Variants in NEO1 observed in about 807,000 individuals in gnomAD.
The protein encoded by NEO1 is neogenin 1.
Under a neutral mutation model 159.7 loss-of-function variants are expected in NEO1, and 63 were observed. The ratio of observed to expected loss-of-function variants is 0.39; its 90% CI spans 0.32 to 0.49. The LOEUF is 0.49. Ranked by LOEUF, NEO1 falls within the 20% of genes least tolerant of loss-of-function variation. The pLI is 0.85. For missense variants in NEO1, 1,615 were observed against 1,831.0 expected, an observed-to-expected ratio of 0.88 and a Z score of 2.15; for synonymous variants, 633 against 662.0, an observed-to-expected ratio of 0.96 and a Z score of 0.67.
chr15:73,267,992 T>C (rs2040992588), intron 16 of NEO1, among the ~76,000 whole-genome samples: 1 of 152,238 alleles, frequency 6.6e-6, no homozygotes, highest in African/African-American at 2.4e-5. Flanking sequence ...GGCTTACCTT[T>C]CCTGAAGGAA....
chr15:73,058,816 T>C (rs1239109047), intron 1 of NEO1, among the ~76,000 whole-genome samples: 1 of 152,216 alleles, frequency 6.6e-6, no homozygotes, highest in Non-Finnish European at 1.5e-5. Context: ...TTTCTCTTAC[T>C]CTGAAGTCCA....
At chr15:73,057,295 G>C (rs1165350277) in intron 1 of NEO1, among the ~76,000 whole-genome samples, 1 of 151,944 alleles carries the variant, frequency 6.6e-6, no homozygotes, top group Admixed American at 6.5e-5. Flanking sequence ...TTCCTTATGA[G>C]TTTTTCTCTA....
At chr15:73,070,937 A>C (rs2068500682) in intron 1 of NEO1, among the ~76,000 whole-genome samples, 1 of 152,196 alleles carries the variant, frequency 6.6e-6, no homozygotes. Flanking sequence ...TGGTTGCCTT[A>C]GCCATTGGCA....
In NEO1 at chr15:73,249,044, G is replaced by A. The variant is rs778958963; in HGVS notation, c.1607-16G>A. The A allele has an allele frequency of 8.7e-6, 14 of 1,612,352 alleles. No homozygotes were observed. Among genetic ancestry groups the A allele is most frequent in the East Asian group, 4.5e-5 (2 of 44,850 alleles). ...CATTTCATTTATATCTTGCTTTCTCGAACTTTTCTTTCTAGTTCAGCTCCC... is the reference window on the plus strand; with the variant it reads ...CATTTCATTTATATCTTGCTTTCTCAAACTTTTCTTTCTAGTTCAGCTCCC... On this transcript the variant is annotated splice_polypyrimidine_tract_variant and intron_variant, in intron 9 of 28. Transcript: ENST00000261908.
At position 73,136,171 on chromosome 15, in the gene NEO1, C is replaced by A. The variant is rs1596107357; in HGVS notation, c.1015+144C>A. 10 of 554,982 alleles carry A rather than the reference C, an allele frequency of 1.8e-5. No homozygotes were observed. The East Asian group carries it at 3.3e-4, about 19-fold the overall frequency. 34.4% of individuals were successfully genotyped at this position (554,982 alleles called of 1,614,324 possible). On this transcript the variant is annotated intron_variant, in intron 5 of 28. Transcript: ENST00000261908. ...AGACCAGACTGCTTGGGTTTAAATTCTAAATCTTATATTTCCTAGATATAT... is the reference window on the plus strand; with the variant it reads ...AGACCAGACTGCTTGGGTTTAAATTATAAATCTTATATTTCCTAGATATAT...
At chr15:73,225,142 C>T (rs2038504744) in intron 7 of NEO1, among the ~76,000 whole-genome samples, 2 of 152,254 alleles carry the variant, frequency 1.3e-5, no homozygotes, top group South Asian at 4.1e-4. Flanking sequence ...TGCACAGAGT[C>T]CTGTGATGTG....
chr15:73,215,193 T>G (rs1000975500), intron 7 of NEO1, among the ~76,000 whole-genome samples: 1 of 152,160 alleles, frequency 6.6e-6, no homozygotes, highest in Non-Finnish European at 1.5e-5. Context: ...TCTTTAGGGT[T>G]TTCAGCGTAA....
intron 7 of NEO1, among the ~76,000 whole-genome samples, chr15:73,207,913 A>G (rs2037326372): frequency 6.6e-6 from 1 of 152,220 alleles, no homozygotes; most frequent in East Asian, 1.9e-4. Context: ...ATGAATATCC[A>G]GGAAATGGCA....
At position 73,103,388 on chromosome 15, in the gene NEO1, C is replaced by T. The variant is rs535696395; in HGVS notation, c.131-13152C>T. 3.3e-5 allele frequency among the ~76,000 whole-genome samples: 5 copies of T among 152,170 alleles called. No individual in the cohort carries two copies. The East Asian group carries it at 9.6e-4, about 29-fold the overall frequency. On this transcript the variant is annotated intron_variant, in intron 1 of 28. Transcript: ENST00000261908. Reference sequence around the variant, plus strand: ...ATTTCTTTGAGTACTTTGCCACTTCCACTGCCAGCTTGTTTCCAGGCCTTT... The same window carrying T: ...ATTTCTTTGAGTACTTTGCCACTTCTACTGCCAGCTTGTTTCCAGGCCTTT...
At chr15:73,228,159 CTT>C (rs1258039754) in intron 7 of NEO1, among the ~76,000 whole-genome samples, 10 of 152,134 alleles carry the variant, frequency 6.6e-5, no homozygotes, top group African/African-American at 2.4e-4. Flanking sequence ...TTATCAAAGA[CTT>C]TTATAAATGC....
intron 1 of NEO1, among the ~76,000 whole-genome samples, chr15:73,062,672 G>A (rs554450030): frequency 6.6e-6 from 1 of 152,222 alleles, no homozygotes; most frequent in African/African-American, 2.4e-5. Flanking sequence ...TTGGTTTGAA[G>A]TGATTAAGTT....
chr15:73,156,309 G>A (rs1161457408), intron 5 of NEO1, among the ~76,000 whole-genome samples: 4 of 152,206 alleles, frequency 2.6e-5, no homozygotes, highest in Admixed American at 1.3e-4. Flanking sequence ...TTTTGCTGGA[G>A]ACTGGAATGC....
intron 1 of NEO1, among the ~76,000 whole-genome samples, chr15:73,094,527 T>C (rs1395984128): frequency 6.6e-6 from 1 of 152,238 alleles, no homozygotes; most frequent in Non-Finnish European, 1.5e-5. Context: ...TGCTGCAATG[T>C]ATATTCTATA....
At chr15:73,272,968 CAAAAA>C (rs56162211) in intron 19 of NEO1, among the ~76,000 whole-genome samples, 1 of 86,588 alleles carries the variant, frequency 1.2e-5, no homozygotes, top group Admixed American at 1.2e-4. Context: ...CCTGAAGCCA[CAAAAA>C]AAAAAAAAAA....
intron 9 of NEO1, among the ~76,000 whole-genome samples, chr15:73,246,239 G>A (rs906920785): frequency 6.6e-6 from 1 of 152,174 alleles, no homozygotes; most frequent in Admixed American, 6.5e-5. Flanking sequence ...CTTAAAGAAG[G>A]AGCAGGCAAG....
chr15:73,052,409 A>AC (rs1567080765), upstream of NEO1: 3 of 8,680 alleles, frequency 3.5e-4, no homozygotes, highest in African/African-American at 8.7e-4. Context: ...AGACCGACCC[A>AC]CCGCCCCCCC....
At chr15:73,138,300 G>A in intron 5 of NEO1, among the ~76,000 whole-genome samples, 1 of 152,156 alleles carries the variant, frequency 6.6e-6, no homozygotes, top group East Asian at 1.9e-4. Flanking sequence ...GTTAAAAGAT[G>A]TTGAATACAC....
intron 5 of NEO1, among the ~76,000 whole-genome samples, chr15:73,150,755 C>T (rs2033301998): frequency 1.3e-5 from 2 of 152,110 alleles, no homozygotes; most frequent in South Asian, 4.1e-4. Context: ...AAAATATTAC[C>T]ACCACTGCAG....
intron 7 of NEO1, among the ~76,000 whole-genome samples, chr15:73,204,672 A>G (rs1354660876): frequency 6.6e-6 from 1 of 151,930 alleles, no homozygotes; most frequent in Non-Finnish European, 1.5e-5. Flanking sequence ...CATGTTCCCT[A>G]CTTATTTTCA....
Sources: gnomAD v4.1 joint callset for allele counts (sites outside exome capture counted in the v4.1 genomes callset) on GRCh38, gnomAD v4.1.1 for gene constraint, MANE v1.5 for transcripts, NCBI Gene and HGNC (gene_info 2026-07-23, HGNC 2026-07-21) for gene names.